Variants in CRISP1 observed in about 807,000 individuals in gnomAD.
The protein encoded by CRISP1 is cysteine rich secretory protein 1.
CRISP1 carries 44 observed loss-of-function variants against 33.1 expected under a neutral mutation model. The observed-to-expected ratio is 1.33, with a 90% confidence interval of 1.05 to 1.71. The LOEUF (loss-of-function observed/expected upper bound fraction) is 1.71. Among genes scored for constraint, CRISP1 ranks in the 40% most tolerant of loss-of-function variants. The probability of loss-of-function intolerance (pLI) is 0.00; values close to 1 mark genes in which losing one functional copy is unlikely to be tolerated. For missense variants in CRISP1, 390 were observed against 301.2 expected, an observed-to-expected ratio of 1.29 and a Z score of -2.18; for synonymous variants, 103 against 98.7, an observed-to-expected ratio of 1.04 and a Z score of -0.26.
chr6:49,864,146 T>G (rs1210155471), intron 1 of CRISP1, among the ~76,000 whole-genome samples: 1 of 152,138 alleles, frequency 6.6e-6, no homozygotes, highest in African/African-American at 2.4e-5. Flanking sequence ...AAATATCTAT[T>G]TTTAATGTCT....
At chr6:49,869,981 G>T (rs533546955), upstream of CRISP1, among the ~76,000 whole-genome samples, 2 of 152,288 alleles carry the variant, frequency 1.3e-5, no homozygotes, top group East Asian at 3.9e-4. Flanking sequence ...ATAAGGAACA[G>T]GTCCCTTCTC....
chr6:49,870,342 G>T (rs1044592688), upstream of CRISP1, among the ~76,000 whole-genome samples: 1 of 152,140 alleles, frequency 6.6e-6, no homozygotes, highest in African/African-American at 2.4e-5. Context: ...TGAGGGTAGG[G>T]TGTAATAATA....
intron 6 of CRISP1, among the ~76,000 whole-genome samples, chr6:49,839,153 G>A (rs12193606): frequency 0.097 from 14,702 of 151,628 alleles, 992 homozygotes; most frequent in Non-Finnish European, 0.15. Flanking sequence ...AGAAAAGACG[G>A]GCAGGGCTCA....
chr6:49,870,252 A>G (rs1771891803), upstream of CRISP1, among the ~76,000 whole-genome samples: 3 of 152,218 alleles, frequency 2.0e-5, no homozygotes, highest in Non-Finnish European at 4.4e-5. Context: ...AATTTGTGTC[A>G]GCTAGGATGC....
intron 7 of CRISP1, among the ~76,000 whole-genome samples, chr6:49,836,072 C>T (rs1355548327): frequency 3.3e-5 from 5 of 152,064 alleles, no homozygotes; most frequent in Non-Finnish European, 4.4e-5. Context: ...GCAATAGCAC[C>T]AAAAAGCTTA....
At chr6:49,843,885 T>C (rs924369981) in intron 5 of CRISP1, among the ~76,000 whole-genome samples, 3 of 152,198 alleles carry the variant, frequency 2.0e-5, no homozygotes, top group African/African-American at 4.8e-5. Context: ...GTAATCTTTG[T>C]TACAAAGTAG....
At chr6:49,872,762 C>G (rs1020821315) in intron 1 of CRISP1, among the ~76,000 whole-genome samples, 3 of 152,052 alleles carry the variant, frequency 2.0e-5, no homozygotes, top group African/African-American at 7.2e-5. Context: ...TGGTCTATAT[C>G]TCTTTTTTGG....
At chr6:49,872,229 C>T (rs1371965805) in intron 1 of CRISP1, among the ~76,000 whole-genome samples, 1 of 151,906 alleles carries the variant, frequency 6.6e-6, no homozygotes, top group Non-Finnish European at 1.5e-5. Flanking sequence ...TATCCTTTGC[C>T]CACTTTTTGA....
intron 7 of CRISP1, among the ~76,000 whole-genome samples, chr6:49,837,502 C>T (rs1031312605): frequency 2.7e-5 from 4 of 148,032 alleles, no homozygotes; most frequent in Non-Finnish European, 6.0e-5. Context: ...TTTCCAGAAA[C>T]GGGGTATAAA....
intron 1 of CRISP1, among the ~76,000 whole-genome samples, chr6:49,875,414 G>T (rs1772014572): frequency 1.3e-5 from 2 of 151,130 alleles, no homozygotes; most frequent in African/African-American, 4.8e-5. Flanking sequence ...CAAACAAATA[G>T]AAAAATATTC....
upstream of CRISP1, among the ~76,000 whole-genome samples, chr6:49,867,298 G>T (rs754132947): frequency 2.0e-4 from 31 of 152,008 alleles, no homozygotes; most frequent in Non-Finnish European, 4.1e-4. Context: ...TTTTTGAATT[G>T]TCTTATTATT....
In CRISP1 at chr6:49,851,928, T is replaced by C; in HGVS notation, c.195+73A>G. On this transcript the variant is annotated intron_variant, in intron 3 of 7. Coordinates refer to ENST00000335847, the MANE Select transcript of CRISP1 (RefSeq NM_001131.3). ...AAACTTTTAGCACTTTGAAAGTGCA[T>C]AGAACTTAATAAAACTCAGTAAACA... 23 of 1,507,790 alleles carry C rather than the reference T, an allele frequency of 1.5e-5. No individual in the cohort carries two copies. The South Asian group carries it at 2.9e-4, about 19-fold the overall frequency. 93.4% of individuals were successfully genotyped at this position (1,507,790 alleles called of 1,614,324 possible).
intron 1 of CRISP1, among the ~76,000 whole-genome samples, chr6:49,861,485 TA>T (rs1214083808): frequency 1.3e-5 from 2 of 152,002 alleles, no homozygotes; most frequent in South Asian, 2.1e-4. Context: ...ATTAACAAAA[TA>T]AAGGAAAAGA....
At chr6:49,844,570 G>A (rs1057327606) in intron 5 of CRISP1, among the ~76,000 whole-genome samples, 1 of 152,012 alleles carries the variant, frequency 6.6e-6, no homozygotes, top group Non-Finnish European at 1.5e-5. Context: ...TGATGAGGCT[G>A]CCTCACTGAG....
At chr6:49,849,768 G>A (rs968534549) in intron 3 of CRISP1, among the ~76,000 whole-genome samples, 6 of 152,062 alleles carry the variant, frequency 3.9e-5, no homozygotes, top group South Asian at 2.1e-4. Context: ...TGTGGTCAAT[G>A]TTTAGAATTA....
upstream of CRISP1, among the ~76,000 whole-genome samples, chr6:49,867,317 T>C (rs1349320651): frequency 6.6e-6 from 1 of 152,050 alleles, no homozygotes; most frequent in African/African-American, 2.4e-5. Context: ...TTCTGAAAAG[T>C]TGGGAAATGT....
intron 5 of CRISP1, among the ~76,000 whole-genome samples, chr6:49,841,197 A>C (rs1770975706): frequency 6.6e-6 from 1 of 152,158 alleles, no homozygotes; most frequent in Non-Finnish European, 1.5e-5. Context: ...AGCTGCACAC[A>C]ATGGAAACCA....
chr6:49,864,726 A>G (rs2127478089), intron 1 of CRISP1, among the ~76,000 whole-genome samples: 1 of 152,142 alleles, frequency 6.6e-6, no homozygotes. Context: ...TCTCTGTTGA[A>G]TGTTTTTTCC....
At chr6:49,869,779 G>T (rs1489253933), upstream of CRISP1, among the ~76,000 whole-genome samples, 2 of 152,170 alleles carry the variant, frequency 1.3e-5, no homozygotes, top group African/African-American at 4.8e-5. Context: ...AAGTTTATGT[G>T]TTGGAACCTA....
Sources: gnomAD v4.1 joint callset for allele counts (sites outside exome capture counted in the v4.1 genomes callset) on GRCh38, gnomAD v4.1.1 for gene constraint, MANE v1.5 for transcripts, NCBI Gene and HGNC (gene_info 2026-07-23, HGNC 2026-07-21) for gene names.